CHN2: variants seen among roughly 807,000 people sequenced by gnomAD.
CHN2 encodes the protein chimerin 2, also known as beta-chimaerin.
A neutral mutation model predicts 56.3 loss-of-function variants in CHN2; 35 were observed. The observed-to-expected ratio is 0.62, with a 90% CI of 0.47 to 0.82. The LOEUF is 0.82. Among genes scored for constraint, CHN2 ranks in the 40% least tolerant of loss-of-function variants. CHN2 has a pLI of 0.00. For synonymous variants in CHN2, 210 were observed against 212.8 expected, an observed-to-expected ratio of 0.99 and a Z score of 0.12; for missense variants, 491 against 580.5, an observed-to-expected ratio of 0.85 and a Z score of 1.58.
intron 1 of CHN2, among the ~76,000 whole-genome samples, chr7:29,320,768 G>A (rs1308536370): frequency 6.6e-6 from 1 of 151,898 alleles, no homozygotes; most frequent in African/African-American, 2.4e-5. Flanking sequence ...CAGGATGAGG[G>A]AACATCTTTT....
chr7:29,457,739 G>C (rs1784872293), intron 6 of CHN2, among the ~76,000 whole-genome samples: 1 of 152,174 alleles, frequency 6.6e-6, no homozygotes, highest in African/African-American at 2.4e-5. Context: ...GAAAGGGGCA[G>C]CTTTGAAGTG....
At chr7:29,509,217 G>A in intron 11 of CHN2, 84 bp from the exon 12 acceptor site, 3 of 978,048 alleles carry the variant, frequency 3.1e-6, no homozygotes, top group Non-Finnish European at 4.8e-6. Context: ...CCCACTTCTG[G>A]CTAAAACAAA....
At chr7:29,165,050 C>T (rs115111407) in intron 2 of CHN2, among the ~76,000 whole-genome samples, 4,547 of 151,998 alleles carry the variant, frequency 0.03, 250 homozygotes, top group African/African-American at 0.1. Context: ...TTTTGAACTT[C>T]CATATAAATT....
chr7:29,416,717 C>T (rs949926965), intron 6 of CHN2, among the ~76,000 whole-genome samples: 18 of 152,252 alleles, frequency 1.2e-4, no homozygotes, highest in African/African-American at 4.1e-4. Flanking sequence ...AGAAGTAAGG[C>T]TAAATGACAG....
intron 1 of CHN2, among the ~76,000 whole-genome samples, chr7:29,231,265 T>C (rs1786682951): frequency 6.6e-6 from 1 of 152,176 alleles, no homozygotes; most frequent in Non-Finnish European, 1.5e-5. Flanking sequence ...ACTGCCACGG[T>C]ACTCTGCAGC....
At chr7:29,484,025 C>A in intron 7 of CHN2, 1 of 552,668 alleles carries the variant, frequency 1.8e-6, no homozygotes, top group South Asian at 1.5e-5. Flanking sequence ...TTGTGCCTCT[C>A]ACTTGTATTT....
chr7:29,270,403 C>A (rs770862159), intron 1 of CHN2, among the ~76,000 whole-genome samples: 1 of 143,628 alleles, frequency 7.0e-6, no homozygotes, highest in Non-Finnish European at 1.5e-5. Flanking sequence ...CCTATAATCC[C>A]AGTACTTTGG....
chr7:29,205,457 G>A (rs1026925703), intron 1 of CHN2, among the ~76,000 whole-genome samples: 6 of 152,062 alleles, frequency 3.9e-5, no homozygotes, highest in Admixed American at 6.5e-5. Flanking sequence ...TGTTAGAATC[G>A]AATGTGTGAA....
intron 6 of CHN2, among the ~76,000 whole-genome samples, chr7:29,473,196 C>T (rs913041844): frequency 6.6e-6 from 1 of 152,154 alleles, no homozygotes; most frequent in Non-Finnish European, 1.5e-5. Flanking sequence ...GTGGGGTGAG[C>T]ATGAGCAGAA....
intron 1 of CHN2, 175 bp downstream of exon 1, chr7:29,195,165 A>G: frequency 5.3e-6 from 3 of 561,754 alleles, no homozygotes; most frequent in Non-Finnish European, 8.8e-6. Flanking sequence ...TGCCCAGAGC[A>G]CCTCCGCGCC....
intron 1 of CHN2, chr7:29,213,074 C>G: frequency 6.2e-7 from 1 of 1,606,212 alleles, no homozygotes; most frequent in Non-Finnish European, 8.5e-7. Context: ...CCAAATTCAC[C>G]TTCCAGTGAC....
intron 6 of CHN2, among the ~76,000 whole-genome samples, chr7:29,423,821 A>G (rs539933031): frequency 3.3e-5 from 5 of 152,280 alleles, no homozygotes; most frequent in African/African-American, 1.2e-4. Flanking sequence ...GCCAGAATCC[A>G]TTGAAACATC....
intron 1 of CHN2, among the ~76,000 whole-genome samples, chr7:29,223,489 A>G (rs180828100): frequency 1.4e-3 from 211 of 152,240 alleles, no homozygotes; most frequent in African/African-American, 4.7e-3. Context: ...CTGTTTTTGA[A>G]TTTTATATGC....
At chr7:29,266,996 T>C (rs1338413519) in intron 1 of CHN2, among the ~76,000 whole-genome samples, 1 of 152,188 alleles carries the variant, frequency 6.6e-6, no homozygotes, top group East Asian at 1.9e-4. Flanking sequence ...AGTCTTTTAA[T>C]GGAAAGAATC....
chr7:29,483,644 T>A (rs1174729247), intron 7 of CHN2, among the ~76,000 whole-genome samples: 2 of 152,230 alleles, frequency 1.3e-5, no homozygotes, highest in African/African-American at 2.4e-5. Context: ...ATTTTATAAC[T>A]GCATCTCTGT....
Position 29,513,945 on chromosome 7 carries a change from CTG to C in CHN2, c.*1212_*1213del, listed in dbSNP as rs1791782412. 1 of 152,634 alleles carries C rather than the reference CTG, an allele frequency of 6.6e-6. No homozygotes were observed. Among genetic ancestry groups the C allele is most frequent in the Non-Finnish European group, 1.5e-5 (1 of 68,040 alleles). The allele number at this position is 152,634 out of a possible 1,614,324, so 9.5% of individuals were successfully genotyped here. A position where few individuals can be genotyped will look rare whatever the true frequency, so the allele number is the denominator to read the frequency against. On this transcript the variant is annotated 3_prime_UTR_variant, in exon 13 of 13. Transcript: ENST00000222792. The stretch of plus-strand genomic sequence containing the variant: ...GGTGAAATATTTAAAACATCAAAAA[CTG>C]TAAATCTAGATTTTTAAAAAATCCA...
intron 1 of CHN2, among the ~76,000 whole-genome samples, chr7:29,311,463 C>T (rs148255378): frequency 2.6e-5 from 4 of 152,186 alleles, no homozygotes; most frequent in Non-Finnish European, 5.9e-5. Flanking sequence ...TCTCCCGTAT[C>T]CTGGCTGTAT....
chr7:29,401,457 T>G (rs547245181), intron 6 of CHN2, among the ~76,000 whole-genome samples: 22 of 152,144 alleles, frequency 1.4e-4, no homozygotes, highest in Non-Finnish European at 2.8e-4. Flanking sequence ...ATGTTTTCAG[T>G]CACCATTTGA....
chr7:29,276,257 G>A (rs1199994969), intron 1 of CHN2, among the ~76,000 whole-genome samples: 1 of 152,206 alleles, frequency 6.6e-6, no homozygotes, highest in Non-Finnish European at 1.5e-5. Flanking sequence ...ACCTGAGAAT[G>A]TAGAAAAGAG....
Sources: gnomAD v4.1 joint callset for allele counts (sites outside exome capture counted in the v4.1 genomes callset) on GRCh38, gnomAD v4.1.1 for gene constraint, MANE v1.5 for transcripts, NCBI Gene and HGNC (gene_info 2026-07-23, HGNC 2026-07-21) for gene names.